The following RPS6KC1 variants were observed in gnomAD, a reference collection of about 807,000 sequenced individuals.
The protein encoded by RPS6KC1 is ribosomal protein S6 kinase C1.
RPS6KC1 carries 54 observed loss-of-function variants against 103.8 expected under a neutral mutation model. That is an observed-to-expected ratio of 0.52 (90% confidence interval 0.42 to 0.65). The LOEUF (loss-of-function observed/expected upper bound fraction) is 0.65, where lower values mean the gene tolerates loss of function less well. RPS6KC1 is among the 30% of genes least tolerant of loss of function. The pLI is 0.00. For missense variants in RPS6KC1, 1,151 were observed against 1,253.8 expected (o/e 0.92, Z 1.24); for synonymous variants, 439 against 438.7 (o/e 1.00, Z -0.01).
At chr1:213,237,181 G>C (rs536712284) in intron 10 of RPS6KC1, among the ~76,000 whole-genome samples, 1 of 151,990 alleles carries the variant, frequency 6.6e-6, no homozygotes, top group African/African-American at 2.4e-5. Flanking sequence ...AGTATATTTA[G>C]GTCCATATTA....
At chr1:213,688,953 C>CT in the RPS6KC1 span, among the ~76,000 whole-genome samples, 1 of 152,308 alleles carries the variant, frequency 6.6e-6, no homozygotes, top group East Asian at 1.9e-4. Context: ...ACTAACAATA[C>CT]TTTTTTTCAC....
At chr1:213,601,873 T>C in the RPS6KC1 span, among the ~76,000 whole-genome samples, 1 of 151,646 alleles carries the variant, frequency 6.6e-6, no homozygotes, top group Non-Finnish European at 1.5e-5. Context: ...TCATTTCTTT[T>C]CTTCCTTCCT....
the RPS6KC1 span, among the ~76,000 whole-genome samples, chr1:213,572,136 G>A: frequency 6.6e-6 from 1 of 152,230 alleles, no homozygotes; most frequent in Non-Finnish European, 1.5e-5. Flanking sequence ...CAAGCCAGAA[G>A]TGAGTTTCAA....
the RPS6KC1 span, among the ~76,000 whole-genome samples, chr1:213,297,235 T>G: frequency 6.6e-6 from 1 of 152,220 alleles, no homozygotes; most frequent in Non-Finnish European, 1.5e-5. Context: ...TCACACAGAC[T>G]GATCATGTAG....
At chr1:213,091,549 C>G (rs2080967851) in intron 3 of RPS6KC1, among the ~76,000 whole-genome samples, 1 of 152,116 alleles carries the variant, frequency 6.6e-6, no homozygotes, top group African/African-American at 2.4e-5. Flanking sequence ...TTTACCTGGG[C>G]ATGAGTTTGT....
At chr1:213,117,563 A>C (rs952255561) in intron 5 of RPS6KC1, among the ~76,000 whole-genome samples, 153 bp downstream of exon 5, 2 of 151,712 alleles carry the variant, frequency 1.3e-5, no homozygotes, top group Non-Finnish European at 2.9e-5. Flanking sequence ...ATTATCACTG[A>C]TGTTGGGTGC....
chr1:213,557,806 CTCT>C, the RPS6KC1 span, among the ~76,000 whole-genome samples: 12 of 151,484 alleles, frequency 7.9e-5, no homozygotes, highest in Admixed American at 7.2e-4. Context: ...ATCTGGCTGC[CTCT>C]TCCCACTGCA....
intron 1 of RPS6KC1, among the ~76,000 whole-genome samples, chr1:213,054,604 G>A (rs1159510191): frequency 6.6e-6 from 1 of 152,168 alleles, no homozygotes; most frequent in Non-Finnish European, 1.5e-5. Flanking sequence ...GATCCTTGCA[G>A]GGTTATTTCT....
the RPS6KC1 span, among the ~76,000 whole-genome samples, chr1:213,491,816 C>T: frequency 2.0e-5 from 3 of 152,152 alleles, no homozygotes; most frequent in Admixed American, 1.3e-4. Flanking sequence ...ATCTGAGTCC[C>T]CAGCGCATCC....
At chr1:213,116,755 C>A (rs936435183) in intron 4 of RPS6KC1, among the ~76,000 whole-genome samples, 1 of 151,648 alleles carries the variant, frequency 6.6e-6, no homozygotes, top group Non-Finnish European at 1.5e-5. Flanking sequence ...CTGGTAGTGA[C>A]AAAATCTCTC....
Position 213,241,984 on chromosome 1 carries a change from C to G in RPS6KC1, c.2508C>G (p.Asp836Glu), listed in dbSNP as rs375818673. 6.2e-7 allele frequency: 1 copy of G among 1,613,990 alleles called. No individual in the cohort carries two copies. The highest frequency in any genetic ancestry group is 8.5e-7 in the Non-Finnish European group (1 of 1,179,932). ...SGANEYIASTDTLKTEEVLLF... is the reference protein window; with the variant it reads ...SGANEYIASTETLKTEEVLLF... Reference sequence around the variant, plus strand: ...CTAATGAATATATTGCAAGCACAGACACTTTAAAAACAGAAGAAGTATTGC... The same window carrying G: ...CTAATGAATATATTGCAAGCACAGAGACTTTAAAAACAGAAGAAGTATTGC... The change falls in exon 11 of 15, where the codon GAC becomes GAG. Residue 836 changes from aspartate to glutamate, a missense_variant. Physicochemically the swap from Asp to Glu is conservative, Grantham distance 45. Around this residue, in one of 3 missense-constraint regions of RPS6KC1, gnomAD observed 959 missense variants for 1,006.3 expected, o/e 0.95. Coordinates refer to ENST00000366960, the MANE Select transcript of RPS6KC1 (RefSeq NM_012424.6).
chr1:213,223,855 C>T (rs892109235), intron 8 of RPS6KC1, among the ~76,000 whole-genome samples: 2 of 152,098 alleles, frequency 1.3e-5, no homozygotes, highest in Admixed American at 6.5e-5. Context: ...ATTAATTGTT[C>T]TGGAGTCCCA....
Position 213,272,880 on chromosome 1 carries a change from A to G in RPS6KC1, c.*246A>G, listed in dbSNP as rs2095077638. The G allele has an allele frequency of 7.3e-6, 2 of 275,732 alleles. 1 individual carries two copies. Among genetic ancestry groups the G allele is most frequent in the South Asian group, 1.4e-4 (2 of 14,392 alleles). 17.1% of individuals were successfully genotyped at this position (275,732 alleles called of 1,614,324 possible). ...CCAAGGTGTGATCTGAATTTAATCC[A>G]CATTTGGTGTTGCAGATGAGTTGTA... On this transcript the variant is annotated 3_prime_UTR_variant, in exon 15 of 15. Coordinates refer to ENST00000366960, the MANE Select transcript of RPS6KC1 (RefSeq NM_012424.6).
the RPS6KC1 span, among the ~76,000 whole-genome samples, chr1:213,561,404 A>G: frequency 2.8e-3 from 432 of 152,306 alleles, 5 homozygotes; most frequent in African/African-American, 9.9e-3. Flanking sequence ...TGCTTTGAGA[A>G]TGGATGTTCT....
At chr1:213,646,111 ACCTGAAGTTT>A in the RPS6KC1 span, among the ~76,000 whole-genome samples, 430 of 152,320 alleles carry the variant, frequency 2.8e-3, 1 homozygote, top group African/African-American at 0.01. Flanking sequence ...TTTAAAGCAA[ACCTGAAGTTT>A]TATAACTTGT....
the RPS6KC1 span, among the ~76,000 whole-genome samples, chr1:213,549,074 T>C: frequency 6.6e-6 from 1 of 152,078 alleles, no homozygotes; most frequent in Non-Finnish European, 1.5e-5. Context: ...TGGCTCCATT[T>C]CCCCCAGTGG....
At chr1:213,198,071 G>A (rs1033699395) in intron 8 of RPS6KC1, among the ~76,000 whole-genome samples, 2 of 152,000 alleles carry the variant, frequency 1.3e-5, no homozygotes, top group African/African-American at 4.8e-5. Context: ...GCTTTAAGAA[G>A]GTTGTATTTT....
chr1:213,065,529 T>G (rs2078253027), intron 1 of RPS6KC1, among the ~76,000 whole-genome samples: 1 of 152,248 alleles, frequency 6.6e-6, no homozygotes, highest in Non-Finnish European at 1.5e-5. Context: ...ATTTTTGCAC[T>G]CAATTCACAT....
the RPS6KC1 span, among the ~76,000 whole-genome samples, chr1:213,346,728 A>G: frequency 6.6e-6 from 1 of 152,194 alleles, no homozygotes; most frequent in Non-Finnish European, 1.5e-5. Flanking sequence ...TAAAAACTGT[A>G]TGTGCACATG....
Sources: allele counts gnomAD v4.1 joint callset (sites outside exome capture counted in the v4.1 genomes callset), GRCh38; gene constraint gnomAD v4.1.1; regional missense constraint gnomAD v4.1.1; transcripts MANE v1.5; gene names NCBI Gene and HGNC (gene_info 2026-07-23, HGNC 2026-07-21).